Variants in USP15 observed in about 807,000 individuals in gnomAD.
USP15 encodes ubiquitin carboxyl-terminal hydrolase 15.
USP15 carries 18 observed loss-of-function variants against 127.1 expected under a neutral mutation model. The ratio of observed to expected loss-of-function variants is 0.14; its 90% CI spans 0.10 to 0.21. The LOEUF (loss-of-function observed/expected upper bound fraction) is 0.21. USP15 is among the 10% of genes least tolerant of loss of function. USP15 has a pLI of 1.00. For synonymous variants in USP15, 364 were observed against 393.7 expected (o/e 0.92, Z 0.89); for missense variants, 805 against 1,159.9 (o/e 0.69, Z 4.44).
intron 3 of USP15, among the ~76,000 whole-genome samples, chr12:62,314,395 G>C (rs1327768498): frequency 6.6e-6 from 1 of 151,740 alleles, no homozygotes; most frequent in African/African-American, 2.4e-5. Context: ...TCAGAACTCT[G>C]TTTATTTGTA....
At chr12:62,386,169 T>G (rs942032729) in intron 11 of USP15, among the ~76,000 whole-genome samples, 2 of 14,768 alleles carry the variant, frequency 1.4e-4, no homozygotes, top group South Asian at 1.5e-3. Flanking sequence ...GTGTTTTGTG[T>G]TTTTTTTTTT....
In USP15 at chr12:62,415,591, C is replaced by T. The variant is rs1186404217; in HGVS notation, c.*11216C>T. 1 of 152,382 alleles carries T rather than the reference C, an allele frequency of 6.6e-6. No homozygotes were observed. Among genetic ancestry groups the T allele is most frequent in the East Asian group, 1.9e-4 (1 of 5,186 alleles). 9.4% of individuals were successfully genotyped at this position (152,382 alleles called of 1,614,324 possible). A position where few individuals can be genotyped will look rare whatever the true frequency, so the allele number is the denominator to read the frequency against. ...CCTCACCTCTCTGCCTTTCACCTCT[C>T]TGTAAACTAGAGCAGCTCCCGAATG... On this transcript the variant is annotated 3_prime_UTR_variant, in exon 22 of 22. Transcript: ENST00000280377.
chr12:62,384,186 A>G lies in USP15; in HGVS notation c.1357A>G (p.Lys453Glu), dbSNP rs1396588080. The change falls in exon 11 of 22, where the codon AAG becomes GAG. Residue 453 changes from lysine (K) to glutamate (E), a missense_variant. Transcript: ENST00000280377. Reference protein sequence around the residue: ...KSTLVCPECAKISVTFDPFCY... With the variant: ...KSTLVCPECAEISVTFDPFCY... ...AACTTTAGTTTGTCCTGAGTGTGCT[A>G]AGATTTCAGTAACATTTGATCCTTT... The G allele has an allele frequency of 1.2e-6, 2 of 1,613,142 alleles. No homozygotes were observed. The highest frequency in any genetic ancestry group is 2.2e-5 in the South Asian group (2 of 91,054).
chr12:62,273,153 G>A (rs2063385904), intron 1 of USP15, among the ~76,000 whole-genome samples: 1 of 145,490 alleles, frequency 6.9e-6, no homozygotes, highest in Admixed American at 6.7e-5. Flanking sequence ...TCTGGCCTTA[G>A]CATGTCATCC....
Position 62,355,315 on chromosome 12 carries a change from A to AT in USP15, c.771-8dup. 7 of 1,572,740 alleles carry AT rather than the reference A, an allele frequency of 4.5e-6. No individual in the cohort carries two copies. The highest frequency in any genetic ancestry group is 4.3e-6 in the Non-Finnish European group (5 of 1,161,406). On this transcript the variant is annotated splice_polypyrimidine_tract_variant and intron_variant, in intron 7 of 21. Coordinates refer to ENST00000280377, the MANE Select transcript of USP15 (RefSeq NM_001252078.2). ...TAATATAATTGGCTGCATTATGAAA[A>AT]TTTTTTTTCTTCCAGTGTGAAAAAC...
At chr12:62,372,246 TA>T in intron 8 of USP15, among the ~76,000 whole-genome samples, 1 of 152,220 alleles carries the variant, frequency 6.6e-6, no homozygotes, top group South Asian at 2.1e-4. Context: ...GAGCTACCTA[TA>T]TATGTATAAT....
Position 62,312,095 on chromosome 12 carries a change from TCTCA to T in USP15, c.349-2690_349-2687del, listed in dbSNP as rs141879048. Among the ~76,000 whole-genome samples the T allele has an allele frequency of 7.0e-3, 1,062 of 151,874 alleles. 9 individuals are homozygous for T. Among genetic ancestry groups the T allele is most frequent in the African/African-American group, 0.023 (969 of 41,510 alleles). On this transcript the variant is annotated intron_variant, in intron 3 of 21. Coordinates refer to ENST00000280377, the MANE Select transcript of USP15 (RefSeq NM_001252078.2). Reference sequence around the variant, plus strand: ...CTTCTCTGTCTTCACCGTTATCTGTTCTCACTCAGGCTCCAGGATCTAGGTCTAA... The same window carrying T: ...CTTCTCTGTCTTCACCGTTATCTGTTCTCAGGCTCCAGGATCTAGGTCTAA...
chr12:62,404,163 TA>T (rs1207277819), intron 21 of USP15, 29 bp from the exon 22 acceptor site: 1 of 1,544,516 alleles, frequency 6.5e-7, no homozygotes, highest in African/African-American at 1.4e-5. Flanking sequence ...TTGAGAATCA[TA>T]ACTGTTTTAA....
chr12:62,331,560 G>A (rs1433141821), intron 6 of USP15, among the ~76,000 whole-genome samples: 2 of 152,120 alleles, frequency 1.3e-5, no homozygotes, highest in South Asian at 2.1e-4. Flanking sequence ...GTAGGCACAC[G>A]TGAAACCACA....
rs147829169 is a variant in USP15 at position 62,390,580 on chromosome 12, G to A, written c.1845-284G>A. Among the ~76,000 whole-genome samples, 7 of 152,066 alleles carry A rather than the reference G, an allele frequency of 4.6e-5. No homozygotes were observed. In the East Asian group the frequency reaches 1.4e-3, roughly 29 times the overall value. Reference sequence around the variant, plus strand: ...CATTATACAAATATAAGTGTTTTTAGCAACAATATATACCATCTAAATAGG... The same window carrying A: ...CATTATACAAATATAAGTGTTTTTAACAACAATATATACCATCTAAATAGG... On this transcript the variant is annotated intron_variant, in intron 14 of 21. Transcript: ENST00000280377.
chr12:62,333,646 T>G (rs1366956531), intron 6 of USP15, among the ~76,000 whole-genome samples: 1 of 152,128 alleles, frequency 6.6e-6, no homozygotes, highest in Non-Finnish European at 1.5e-5. Context: ...TGCCTTTTTT[T>G]ATGTTGTTAT....
intron 3 of USP15, among the ~76,000 whole-genome samples, chr12:62,309,513 A>T (rs2064593094): frequency 6.6e-6 from 1 of 152,060 alleles, no homozygotes; most frequent in Admixed American, 6.6e-5. Context: ...CCAATACCAC[A>T]CAGATTCTTT....
intron 5 of USP15, among the ~76,000 whole-genome samples, chr12:62,323,859 GA>G (rs1421151387): frequency 2.0e-5 from 3 of 152,158 alleles, no homozygotes; most frequent in African/African-American, 4.8e-5. Flanking sequence ...TGGCAGATGA[GA>G]AAATAATTTA....
At chr12:62,295,350 G>A (rs2064100008) in intron 2 of USP15, among the ~76,000 whole-genome samples, 1 of 152,190 alleles carries the variant, frequency 6.6e-6, no homozygotes, top group Admixed American at 6.5e-5. Flanking sequence ...ATGTAATAGG[G>A]TGAAATTAAT....
At chr12:62,333,431 A>G (rs2065362649) in intron 6 of USP15, among the ~76,000 whole-genome samples, 2 of 151,840 alleles carry the variant, frequency 1.3e-5, no homozygotes, top group African/African-American at 4.8e-5. Context: ...CACCTGGCTA[A>G]TTTTTGGGTT....
intron 1 of USP15, among the ~76,000 whole-genome samples, chr12:62,289,215 C>CTTGTTGTTGTTGTTGTTG (rs143937716): frequency 3.3e-4 from 50 of 150,650 alleles, no homozygotes; most frequent in Admixed American, 4.6e-4. Flanking sequence ...CTCTCCTGAG[C>CTTGTTGTTGTTGTTGTTG]TTGTTGTTGT....
At chr12:62,281,352 T>C (rs1412110760) in intron 1 of USP15, among the ~76,000 whole-genome samples, 1 of 152,220 alleles carries the variant, frequency 6.6e-6, no homozygotes, top group East Asian at 1.9e-4. Flanking sequence ...CTGTTTGCTT[T>C]TTGAGACAGA....
At chr12:62,335,438 T>A in intron 6 of USP15, 1 of 1,370,928 alleles carries the variant, frequency 7.3e-7, no homozygotes, top group Non-Finnish European at 9.4e-7. Flanking sequence ...ACATCCATCC[T>A]TAGCTCTCTG....
At chr12:62,270,130 T>A (rs562648995) in intron 1 of USP15, among the ~76,000 whole-genome samples, 13 of 152,206 alleles carry the variant, frequency 8.5e-5, no homozygotes, top group African/African-American at 3.1e-4. Flanking sequence ...TAGGTAATGA[T>A]GTTGAGTATC....
Sources: allele counts gnomAD v4.1 joint callset (sites outside exome capture counted in the v4.1 genomes callset), GRCh38; gene constraint gnomAD v4.1.1; transcripts MANE v1.5; gene names NCBI Gene and HGNC (gene_info 2026-07-23, HGNC 2026-07-21).